The following GDAP2 variants were observed in gnomAD, a reference collection of about 807,000 sequenced individuals.
The protein encoded by GDAP2 is ganglioside induced differentiation associated protein 2.
A neutral mutation model predicts 67.0 loss-of-function variants in GDAP2; 51 were observed. The observed-to-expected ratio is 0.76, with a 90% CI of 0.61 to 0.96. The LOEUF (loss-of-function observed/expected upper bound fraction) is 0.96, where lower values mean the gene tolerates loss of function less well. GDAP2 is among the 40% of genes least tolerant of loss of function. The probability of loss-of-function intolerance (pLI) is 0.00; values close to 1 mark genes in which losing one functional copy is unlikely to be tolerated. For missense variants in GDAP2, 547 were observed against 588.3 expected, an observed-to-expected ratio of 0.93 and a Z score of 0.73; for synonymous variants, 203 against 207.3, an observed-to-expected ratio of 0.98 and a Z score of 0.18.
intron 13 of GDAP2, 69 bp from the exon 14 acceptor site, chr1:117,870,685 G>T (rs904602579): frequency 8.7e-6 from 9 of 1,029,038 alleles, no homozygotes; most frequent in Non-Finnish European, 1.2e-5. Flanking sequence ...GTGAAAAAAA[G>T]GGATTTACAG....
chr1:117,905,862 C>T (rs145503560), intron 6 of GDAP2, among the ~76,000 whole-genome samples: 187 of 151,902 alleles, frequency 1.2e-3, no homozygotes, highest in African/African-American at 3.6e-3. Flanking sequence ...ATAGCTAATA[C>T]GAATGTATTA....
At chr1:117,918,255 A>G (rs1328235532) in intron 3 of GDAP2, among the ~76,000 whole-genome samples, 1 of 152,230 alleles carries the variant, frequency 6.6e-6, no homozygotes, top group Non-Finnish European at 1.5e-5. Flanking sequence ...TCAGTTCACG[A>G]GGAGAGTCAT....
In GDAP2 at chr1:117,901,055, G is replaced by A. The variant is rs942814076; in HGVS notation, c.637-1839C>T. Among the ~76,000 whole-genome samples the A allele has an allele frequency of 1.5e-4, 23 of 152,160 alleles. No individual in the cohort carries two copies. The South Asian group carries it at 2.1e-3, about 14-fold the overall frequency. ...AGCCTGGGTAACAGGGTGAGACTCC[G>A]TCTCAAAAAATAAATAATAAATAAA... On this transcript the variant is annotated intron_variant, in intron 6 of 13. Transcript: ENST00000369443.
intron 1 of GDAP2, among the ~76,000 whole-genome samples, chr1:117,924,107 C>G (rs916247940): frequency 6.6e-6 from 1 of 152,174 alleles, no homozygotes; most frequent in Non-Finnish European, 1.5e-5. Context: ...AATTTCGAGT[C>G]TCTCTTCTTT....
chr1:117,886,073 C>A (rs1161926972), intron 10 of GDAP2, among the ~76,000 whole-genome samples: 1 of 152,028 alleles, frequency 6.6e-6, no homozygotes, highest in African/African-American at 2.4e-5. Flanking sequence ...CTTTTTTGGA[C>A]TACTAATCAC....
At chr1:117,919,306 G>A (rs1359754797) in intron 2 of GDAP2, among the ~76,000 whole-genome samples, 6 of 151,434 alleles carry the variant, frequency 4.0e-5, no homozygotes, top group East Asian at 1.9e-4. Flanking sequence ...CCTGGGAGGC[G>A]GAGCTTGCAG....
At chr1:117,922,318 A>C (rs1650281094) in intron 1 of GDAP2, among the ~76,000 whole-genome samples, 1 of 152,208 alleles carries the variant, frequency 6.6e-6, no homozygotes, top group Non-Finnish European at 1.5e-5. Flanking sequence ...CAAGTCAGAA[A>C]GTGAGAGAGA....
intron 12 of GDAP2, among the ~76,000 whole-genome samples, chr1:117,878,544 C>G (rs1352533830): frequency 6.6e-6 from 1 of 152,160 alleles, no homozygotes; most frequent in Non-Finnish European, 1.5e-5. Context: ...TTAATATCTC[C>G]AAATCTCACA....
intron 13 of GDAP2, among the ~76,000 whole-genome samples, chr1:117,874,107 G>A (rs1031869184): frequency 2.0e-5 from 3 of 152,178 alleles, no homozygotes; most frequent in African/African-American, 7.2e-5. Flanking sequence ...ATCCAGCGAT[G>A]TGCTCTCTGC....
Position 117,899,225 on chromosome 1 carries a change from G to C in GDAP2, c.637-9C>G. 1 of 1,596,132 alleles carries C rather than the reference G, an allele frequency of 6.3e-7. No individual in the cohort carries two copies. The highest frequency in any genetic ancestry group is 1.1e-5 in the South Asian group (1 of 90,682). ...AGCTTTTGGTAAGTACCCTGTGTCA[G>C]AAAAGCAAGACATTCTGTGAAAAAT... On this transcript the variant is annotated splice_polypyrimidine_tract_variant and intron_variant, in intron 6 of 13. Transcript: ENST00000369443.
chr1:117,907,394 A>G (rs1330160041), intron 5 of GDAP2, among the ~76,000 whole-genome samples: 1 of 152,172 alleles, frequency 6.6e-6, no homozygotes, highest in Non-Finnish European at 1.5e-5. Context: ...AAAGACCCAA[A>G]TTACCTGATG....
intron 4 of GDAP2, 90 bp downstream of exon 4, chr1:117,912,427 ACTGCTAGGTTTTT>A: frequency 1.0e-6 from 1 of 1,004,556 alleles, no homozygotes; most frequent in Non-Finnish European, 1.4e-6. Context: ...TTTGACTTCC[ACTGCTAGGTTTTT>A]AATCTTTAAA....
chr1:117,890,909 C>T (rs1310886511), intron 8 of GDAP2, among the ~76,000 whole-genome samples: 2 of 151,838 alleles, frequency 1.3e-5, no homozygotes, highest in African/African-American at 4.8e-5. Flanking sequence ...GGTTGAGCAT[C>T]CCAAATCCAA....
chr1:117,883,992 G>C (rs561871293), intron 10 of GDAP2, among the ~76,000 whole-genome samples: 1 of 152,270 alleles, frequency 6.6e-6, no homozygotes, highest in African/African-American at 2.4e-5. Flanking sequence ...GAAATCATTA[G>C]AAGTAGAATT....
chr1:117,906,414 G>A (rs1285659349), intron 6 of GDAP2, 92 bp downstream of exon 6: 1 of 695,724 alleles, frequency 1.4e-6, no homozygotes. Context: ...GGATTTGTCT[G>A]CTGGAAACTC....
intron 3 of GDAP2, among the ~76,000 whole-genome samples, chr1:117,914,068 A>G (rs1264968470): frequency 6.6e-6 from 1 of 152,190 alleles, no homozygotes; most frequent in Admixed American, 6.6e-5. Context: ...AGCCTAGGAT[A>G]CTTTGTTATA....
At chr1:117,912,164 T>C in intron 4 of GDAP2, 82 bp from the exon 5 acceptor site, 1 of 823,476 alleles carries the variant, frequency 1.2e-6, no homozygotes, top group East Asian at 2.6e-5. Flanking sequence ...TTTCAAAATC[T>C]AGCTCAACTT....
chr1:117,898,637 C>G (rs908381962), intron 7 of GDAP2, among the ~76,000 whole-genome samples: 1 of 152,164 alleles, frequency 6.6e-6, no homozygotes, highest in Non-Finnish European at 1.5e-5. Context: ...CTGCTCCAAC[C>G]TACAACAGTA....
intron 9 of GDAP2, among the ~76,000 whole-genome samples, 167 bp from the exon 10 acceptor site, chr1:117,886,820 A>ACAC (rs111577750): frequency 3.3e-5 from 5 of 151,558 alleles, no homozygotes; most frequent in Admixed American, 6.6e-5. Flanking sequence ...TCTGCAGACA[A>ACAC]CACCTATTTT....
Sources: allele counts gnomAD v4.1 joint callset (sites outside exome capture counted in the v4.1 genomes callset), GRCh38; gene constraint gnomAD v4.1.1; transcripts MANE v1.5; gene names NCBI Gene and HGNC (gene_info 2026-07-23, HGNC 2026-07-21).